The following CDC27 variants were observed in gnomAD, a reference collection of about 807,000 sequenced individuals.
CDC27 encodes the protein cell division cycle protein 27 homolog.
CDC27 carries 27 observed loss-of-function variants against 109.7 expected under a neutral mutation model. The ratio of observed to expected loss-of-function variants is 0.25; its 90% CI spans 0.18 to 0.34. The LOEUF (loss-of-function observed/expected upper bound fraction) is 0.34. CDC27 is among the 10% of genes least tolerant of loss of function. The probability of loss-of-function intolerance (pLI) is 1.00; values close to 1 mark genes in which losing one functional copy is unlikely to be tolerated. For synonymous variants in CDC27, 266 were observed against 333.9 expected, an observed-to-expected ratio of 0.80 and a Z score of 2.22; for missense variants, 579 against 960.2, an observed-to-expected ratio of 0.60 and a Z score of 5.25.
intron 16 of CDC27, among the ~76,000 whole-genome samples, chr17:47,128,150 C>T (rs1298213351): frequency 6.6e-6 from 1 of 152,062 alleles, no homozygotes; most frequent in African/African-American, 2.4e-5. Flanking sequence ...CGTGCCTCAG[C>T]CTCCCAAGTA....
intron 16 of CDC27, among the ~76,000 whole-genome samples, chr17:47,126,715 A>G (rs1343254520): frequency 6.6e-6 from 1 of 152,248 alleles, no homozygotes; most frequent in Non-Finnish European, 1.5e-5. Flanking sequence ...ACATAAAAAC[A>G]AATACTGATT....
chr17:47,147,572 C>A (rs978680767), intron 9 of CDC27, among the ~76,000 whole-genome samples: 1 of 152,120 alleles, frequency 6.6e-6, no homozygotes, highest in African/African-American at 2.4e-5. Context: ...ACATCCTATA[C>A]GTTCAAAAAC....
intron 1 of CDC27, among the ~76,000 whole-genome samples, chr17:47,188,466 G>A (rs1212191796): frequency 2.0e-5 from 3 of 151,882 alleles, no homozygotes; most frequent in African/African-American, 7.3e-5. Flanking sequence ...TTATAAACAT[G>A]CACAACAAAA....
rs143786623 is a variant in CDC27, at chr17:47,189,257, T to G, written c.-85A>C. 9.4e-7 allele frequency: 1 copy of G among 1,064,106 alleles called. No homozygotes were observed. The highest frequency in any genetic ancestry group is 1.3e-5 in the South Asian group (1 of 79,046). 65.9% of individuals were successfully genotyped at this position (1,064,106 alleles called of 1,614,324 possible). A position where few individuals can be genotyped will look rare whatever the true frequency, so the allele number is the denominator to read the frequency against. ...CCGGCCAGCCCCTGCTCATTTAAAC[T>G]CACCAGCGACCGTTACCGGGGGATG... On this transcript the variant is annotated 5_prime_UTR_variant, in exon 1 of 19. Coordinates refer to ENST00000066544, the MANE Select transcript of CDC27 (RefSeq NM_001256.6).
intron 1 of CDC27, among the ~76,000 whole-genome samples, chr17:47,186,660 T>C (rs1051229808): frequency 5.0e-4 from 76 of 152,284 alleles, no homozygotes; most frequent in Admixed American, 3.7e-3. Context: ...AGGACTCAAA[T>C]ATAAAGTAAT....
chr17:47,151,720 CGA>C (rs2063156658), intron 9 of CDC27, 84 bp downstream of exon 9: 9 of 1,026,518 alleles, frequency 8.8e-6, no homozygotes, highest in South Asian at 4.2e-5. Context: ...CTAGAATCCA[CGA>C]GAGTCACTAT....
At chr17:47,157,410 TTGTCTC>T (rs2063350640) in intron 5 of CDC27, 26 bp from the exon 6 acceptor site, 1 of 1,520,036 alleles carries the variant, frequency 6.6e-7, no homozygotes, top group Non-Finnish European at 9.1e-7. Flanking sequence ...AAAAAAAAGT[TTGTCTC>T]TGAGGAAGTG....
chr17:47,118,463 C>T lies in CDC27; in HGVS notation c.*2472G>A, dbSNP rs1372723575. 1.3e-5 allele frequency: 2 copies of T among 152,824 alleles called. No individual in the cohort carries two copies. The highest frequency in any genetic ancestry group is 6.6e-5 in the Admixed American group (1 of 15,258). The allele number at this position is 152,824 out of a possible 1,614,324, so 9.5% of individuals were successfully genotyped here. ...AAACAAATCCAAGGCCACAACATAA[C>T]TTCTGAACAAGTGTGTGCGCGTATA... is the stretch of plus-strand genomic sequence containing the variant. On this transcript the variant is annotated 3_prime_UTR_variant, in exon 19 of 19. Coordinates refer to ENST00000066544, the MANE Select transcript of CDC27 (RefSeq NM_001256.6).
At chr17:47,168,125 G>A (rs1033600561) in intron 4 of CDC27, among the ~76,000 whole-genome samples, 3 of 152,070 alleles carry the variant, frequency 2.0e-5, no homozygotes, top group Non-Finnish European at 4.4e-5. Context: ...GAGTTTTTAC[G>A]GAGGCTTCAC....
chr17:47,149,903 C>T (rs1290418769), intron 9 of CDC27, among the ~76,000 whole-genome samples: 2 of 151,918 alleles, frequency 1.3e-5, no homozygotes, highest in African/African-American at 4.8e-5. Flanking sequence ...TGCAGTGAGC[C>T]GAGATTGCAC....
intron 1 of CDC27, 120 bp downstream of exon 1, chr17:47,189,026 C>G: frequency 6.6e-7 from 1 of 1,509,910 alleles, no homozygotes. Flanking sequence ...CAGGACACGG[C>G]AGCAGGGGAG....
intron 3 of CDC27, chr17:47,170,521 A>G (rs1359570533): frequency 6.6e-6 from 1 of 152,206 alleles, no homozygotes; most frequent in African/African-American, 2.4e-5. Context: ...TTTAATTACA[A>G]TAGTGGCAAA....
intron 10 of CDC27, 94 bp from the exon 11 acceptor site, chr17:47,142,530 C>T (rs1409609577): frequency 1.2e-4 from 65 of 548,658 alleles, no homozygotes; most frequent in Non-Finnish European, 6.4e-6. Flanking sequence ...AATAAATGTA[C>T]AATCTTGATT....
chr17:47,138,618 A>AG, intron 13 of CDC27, 121 bp downstream of exon 13: 1 of 639,112 alleles, frequency 1.6e-6, no homozygotes, highest in Non-Finnish European at 2.7e-6. Flanking sequence ...CTAGAGAGAG[A>AG]GGAAAAAAAA....
At chr17:47,181,089 C>CAAA (rs542120720) in intron 2 of CDC27, among the ~76,000 whole-genome samples, 7 of 129,836 alleles carry the variant, frequency 5.4e-5, no homozygotes, top group African/African-American at 2.0e-4. Context: ...CTATCTCTAC[C>CAAA]AAAAAAAAAA....
intron 3 of CDC27, among the ~76,000 whole-genome samples, chr17:47,171,369 C>T (rs1046719538): frequency 1.3e-5 from 2 of 152,172 alleles, no homozygotes; most frequent in African/African-American, 4.8e-5. Context: ...TATCTAACAC[C>T]GTTTACACAT....
chr17:47,147,421 AAACAAAC>A (rs1373974316), intron 9 of CDC27, among the ~76,000 whole-genome samples: 134 of 106,144 alleles, frequency 1.3e-3, no homozygotes, highest in African/African-American at 4.3e-3. Context: ...ACAAACAAAC[AAACAAAC>A]AAAAAAAAAA....
At chr17:47,127,710 T>G (rs1029693196) in intron 16 of CDC27, among the ~76,000 whole-genome samples, 1 of 151,688 alleles carries the variant, frequency 6.6e-6, no homozygotes, top group African/African-American at 2.4e-5. Flanking sequence ...CCTATTTTTT[T>G]TTTGTTTTTT....
intron 3 of CDC27, 22 bp from the exon 4 acceptor site, chr17:47,170,064 A>AT (rs1244326759): frequency 6.8e-7 from 1 of 1,460,068 alleles, no homozygotes; most frequent in Non-Finnish European, 9.1e-7. Flanking sequence ...AAATTTAAAG[A>AT]TTTTTAAAAA....
Sources: gnomAD v4.1 joint callset for allele counts (sites outside exome capture counted in the v4.1 genomes callset) on GRCh38, gnomAD v4.1.1 for gene constraint, MANE v1.5 for transcripts, NCBI Gene and HGNC (gene_info 2026-07-23, HGNC 2026-07-21) for gene names.